The following SUSD4 variants were observed in gnomAD, a reference collection of about 807,000 sequenced individuals.
SUSD4 encodes sushi domain containing 4.
SUSD4 carries 41 observed loss-of-function variants against 50.5 expected under a neutral mutation model. That is an observed-to-expected ratio of 0.81 (90% CI 0.63 to 1.05). The LOEUF (loss-of-function observed/expected upper bound fraction) is 1.05. Among genes scored for constraint, SUSD4 ranks in the 50% least tolerant of loss-of-function variants. The pLI is 0.00. For missense variants in SUSD4, 580 were observed against 634.7 expected, an observed-to-expected ratio of 0.91 and a Z score of 0.93; for synonymous variants, 257 against 257.3, an observed-to-expected ratio of 1.00 and a Z score of 0.01.
chr1:223,363,087 T>G (rs942785004), intron 2 of SUSD4, among the ~76,000 whole-genome samples, 191 bp downstream of exon 2: 2 of 151,942 alleles, frequency 1.3e-5, no homozygotes, highest in Non-Finnish European at 2.9e-5. Flanking sequence ...GGGCTCCACA[T>G]GGGAATTTTC....
chr1:223,264,800 G>C lies in SUSD4; in HGVS notation c.554C>G (p.Ala185Gly), dbSNP rs1662373935. 6.2e-7 allele frequency: 1 copy of C among 1,613,878 alleles called. No individual in the cohort carries two copies. Among genetic ancestry groups the C allele is most frequent in the African/African-American group, 1.3e-5 (1 of 74,908 alleles). ...GATGTTTACATAGCCATTAGAAGAG[G>C]CTAGAGGTCTCAGGCAGCCTGTGGA... ...PICQGCLRPL[A>G]SSNGYVNISE... The change falls in exon 5 of 9, where the codon GCC becomes GGC. Residue 185 changes from alanine to glycine, a missense_variant. Transcript: ENST00000366878.
chr1:223,267,412 C>T (rs939981609), intron 4 of SUSD4, among the ~76,000 whole-genome samples: 15 of 152,126 alleles, frequency 9.9e-5, no homozygotes, highest in Non-Finnish European at 1.8e-4. Flanking sequence ...TGAAACGGAT[C>T]AGCAGGTAAT....
rs1184717822 is a variant in SUSD4, at chr1:223,221,524, C to T, written c.*668G>A. On this transcript the variant is annotated 3_prime_UTR_variant, in exon 9 of 9. Transcript: ENST00000366878. ...GACAGCACAGAGTTCATGAGCTCTA[C>T]TTTGTGAAGAAATTTCCAGAAAGCA... 6.2e-6 allele frequency: 1 copy of T among 160,668 alleles called. No individual in the cohort carries two copies. The highest frequency in any genetic ancestry group is 2.4e-5 in the African/African-American group (1 of 41,876). 10.0% of individuals were successfully genotyped at this position (160,668 alleles called of 1,614,324 possible).
intron 2 of SUSD4, among the ~76,000 whole-genome samples, chr1:223,348,955 G>T (rs916073395): frequency 6.6e-6 from 1 of 152,110 alleles, no homozygotes; most frequent in Non-Finnish European, 1.5e-5. Context: ...GCTGGTCCAT[G>T]GGCATGAAGC....
chr1:223,363,034 T>C (rs1371049811), intron 2 of SUSD4, among the ~76,000 whole-genome samples: 2 of 146,874 alleles, frequency 1.4e-5, no homozygotes, highest in Non-Finnish European at 3.0e-5. Flanking sequence ...GCCCGGAGGC[T>C]GGTGGGAAGC....
At chr1:223,314,129 A>G (rs2103222118) in intron 2 of SUSD4, among the ~76,000 whole-genome samples, 1 of 152,284 alleles carries the variant, frequency 6.6e-6, no homozygotes. Context: ...TTTCTTGTGT[A>G]AGATCCAAGA....
rs79966566 is a variant in SUSD4, at chr1:223,297,772, G to A, written c.149-5121C>T. ...CCTCACTGGGCTGTGAACTCCTGGA[G>A]GGAAAGAGTAGGTCTTATTCTTCAC... is the stretch of plus-strand genomic sequence containing the variant. On this transcript the variant is annotated intron_variant, in intron 2 of 8. Transcript: ENST00000366878. Among the ~76,000 whole-genome samples, 958 of 152,316 alleles carry A rather than the reference G, an allele frequency of 6.3e-3. 18 individuals carry two copies. Among genetic ancestry groups the A allele is most frequent in the African/African-American group, 0.022 (899 of 41,566 alleles).
chr1:223,362,420 G>C (rs2102608079), intron 2 of SUSD4, among the ~76,000 whole-genome samples: 1 of 152,270 alleles, frequency 6.6e-6, no homozygotes, highest in African/African-American at 2.4e-5. Context: ...TCTAGAGAAC[G>C]TTTGCAATGG....
At chr1:223,322,017 A>G (rs1356693608) in intron 2 of SUSD4, among the ~76,000 whole-genome samples, 2 of 152,234 alleles carry the variant, frequency 1.3e-5, no homozygotes, top group East Asian at 3.9e-4. Context: ...AAAACCCAGA[A>G]CACTCCAATG....
intron 2 of SUSD4, among the ~76,000 whole-genome samples, chr1:223,314,796 G>T (rs986026886): frequency 6.6e-6 from 1 of 152,188 alleles, no homozygotes; most frequent in Non-Finnish European, 1.5e-5. Context: ...ATGTGGCACT[G>T]TGAGTCCATT....
intron 2 of SUSD4, 143 bp downstream of exon 2, chr1:223,363,135 G>C: frequency 1.1e-5 from 11 of 1,044,020 alleles, no homozygotes; most frequent in Non-Finnish European, 1.4e-5. Context: ...GCGGCCATAG[G>C]CTGGGACGCA....
intron 2 of SUSD4, among the ~76,000 whole-genome samples, chr1:223,314,081 C>A (rs1666036378): frequency 6.6e-6 from 1 of 152,162 alleles, no homozygotes; most frequent in Non-Finnish European, 1.5e-5. Flanking sequence ...TCTTAATAAA[C>A]TTGCTATCAC....
chr1:223,220,915 C>CA lies in SUSD4; in HGVS notation c.*1276dup. 1 of 399,538 alleles carries CA rather than the reference C, an allele frequency of 2.5e-6. No individual in the cohort carries two copies. The highest frequency in any genetic ancestry group is 4.4e-6 in the Non-Finnish European group (1 of 225,846). 24.7% of individuals were successfully genotyped at this position (399,538 alleles called of 1,614,324 possible). ...AGCCCTCACCACTCTATCAGCATAG[C>CA]AATTTTAAGGATCAGAGCTTTGTTT... On this transcript the variant is annotated 3_prime_UTR_variant, in exon 9 of 9. Transcript: ENST00000366878.
At chr1:223,239,937 G>T (rs569281167) in intron 5 of SUSD4, among the ~76,000 whole-genome samples, 12 of 152,058 alleles carry the variant, frequency 7.9e-5, no homozygotes, top group African/African-American at 1.7e-4. Flanking sequence ...TATCTCTAAA[G>T]AACTTCTTTT....
intron 2 of SUSD4, among the ~76,000 whole-genome samples, chr1:223,311,907 C>T (rs1665902035): frequency 6.6e-6 from 1 of 152,106 alleles, no homozygotes; most frequent in Non-Finnish European, 1.5e-5. Flanking sequence ...GAACTTTACG[C>T]TCCAGGATTC....
At chr1:223,362,686 C>T (rs968317661) in intron 2 of SUSD4, among the ~76,000 whole-genome samples, 3 of 152,172 alleles carry the variant, frequency 2.0e-5, no homozygotes, top group Non-Finnish European at 2.9e-5. Context: ...CAGAGGCACA[C>T]CTGAAAGAAT....
intron 5 of SUSD4, among the ~76,000 whole-genome samples, chr1:223,230,105 G>A (rs995313748): frequency 6.6e-6 from 1 of 152,166 alleles, no homozygotes; most frequent in African/African-American, 2.4e-5. Flanking sequence ...GTTCTGACTC[G>A]AATATCCCAT....
chr1:223,236,426 C>T (rs1335316449), intron 5 of SUSD4, among the ~76,000 whole-genome samples: 1 of 152,138 alleles, frequency 6.6e-6, no homozygotes, highest in Non-Finnish European at 1.5e-5. Context: ...TCGCCATACA[C>T]AGGTCATCTG....
chr1:223,227,643 T>C lies in SUSD4; in HGVS notation c.1012A>G (p.Ile338Val). The change falls in exon 7 of 9, where the codon ATC becomes GTC. Residue 338 changes from isoleucine to valine, a missense_variant. Transcript: ENST00000366878. This position sits in a 1 kb window ranked among gnomAD's most constrained non-coding sequence, Gnocchi z 4.5. ...TTGGTCTGGAACATCCTGGCCAGGATGACGAGCAGCAGCACCAGCAGCACA... is the reference window on the plus strand; with the variant it reads ...TTGGTCTGGAACATCCTGGCCAGGACGACGAGCAGCAGCACCAGCAGCACA... ...TSVLLVLLLV[I>V]LARMFQTKFK... The C allele has an allele frequency of 6.2e-7, 1 of 1,613,924 alleles. No individual in the cohort carries two copies. The highest frequency in any genetic ancestry group is 8.5e-7 in the Non-Finnish European group (1 of 1,179,950).
Sources: gnomAD v4.1 joint callset for allele counts (sites outside exome capture counted in the v4.1 genomes callset) on GRCh38, gnomAD v4.1.1 for gene constraint, Gnocchi (gnomAD v3.1) non-coding constraint, MANE v1.5 for transcripts, NCBI Gene and HGNC (gene_info 2026-07-23, HGNC 2026-07-21) for gene names.